Variants in RADIL observed in about 807,000 individuals in gnomAD.
RADIL encodes the protein Rap associating with DIL domain.
In RADIL, 99 loss-of-function variants were observed where a neutral mutation model predicts 97.6. That is an observed-to-expected ratio of 1.01 (90% CI 0.86 to 1.20). The LOEUF (loss-of-function observed/expected upper bound fraction) is 1.20. Ranked by LOEUF, RADIL falls within the 50% of genes most tolerant of loss-of-function variation. RADIL has a pLI of 0.00. For missense variants in RADIL, 1,765 were observed against 1,498.9 expected, an observed-to-expected ratio of 1.18 and a Z score of -2.93; for synonymous variants, 803 against 691.8, an observed-to-expected ratio of 1.16 and a Z score of -2.52.
chr7:4,800,705 C>G (rs1751357331), intron 12 of RADIL, among the ~76,000 whole-genome samples: 1 of 152,206 alleles, frequency 6.6e-6, no homozygotes, highest in Non-Finnish European at 1.5e-5. Flanking sequence ...GCTGACCAGA[C>G]CGGGGCCCCA....
chr7:4,810,053 G>C (rs964003804), intron 9 of RADIL, among the ~76,000 whole-genome samples: 13 of 152,234 alleles, frequency 8.5e-5, no homozygotes, highest in African/African-American at 3.1e-4. Flanking sequence ...TGAGGTTTCA[G>C]TGGTGGCCAG....
chr7:4,864,955 T>TC (rs1175427187), intron 2 of RADIL, among the ~76,000 whole-genome samples: 1 of 152,210 alleles, frequency 6.6e-6, no homozygotes, highest in Non-Finnish European at 1.5e-5. Flanking sequence ...CAGGTAGATC[T>TC]TTTCCCCAAC....
Position 4,854,586 on chromosome 7 carries a change from C to T in RADIL, c.536-17981G>A, listed in dbSNP as rs897315524. Among the ~76,000 whole-genome samples the T allele has an allele frequency of 4.6e-5, 7 of 152,006 alleles. 1 individual carries two copies. The highest frequency in any genetic ancestry group is 4.2e-4 in the South Asian group (2 of 4,818). ...GCGGGCGCCTGTAATCCCAGCTACT[C>T]GGAAGACTGAGACAGGAGAATTACT... On this transcript the variant is annotated intron_variant, in intron 2 of 14. Coordinates refer to ENST00000399583, the MANE Select transcript of RADIL (RefSeq NM_018059.5). The surrounding 1 kb of genome is among the most constrained non-coding windows in gnomAD (Gnocchi z 5.1).
rs931315916 is a variant in RADIL at position 4,830,350 on chromosome 7, C to T, written c.1454+1791G>A. ...CCCACTCGAGAGTGGGAGCGTAGGCCGCAGGGGCTGCACGTCTGTATCAGA... is the reference window on the plus strand; with the variant it reads ...CCCACTCGAGAGTGGGAGCGTAGGCTGCAGGGGCTGCACGTCTGTATCAGA... On this transcript the variant is annotated intron_variant, in intron 5 of 14. Coordinates refer to ENST00000399583, the MANE Select transcript of RADIL (RefSeq NM_018059.5). Among the ~76,000 whole-genome samples the T allele has an allele frequency of 2.6e-5, 4 of 152,242 alleles. No individual in the cohort carries two copies. The East Asian group carries it at 5.8e-4, about 22-fold the overall frequency.
intron 5 of RADIL, among the ~76,000 whole-genome samples, chr7:4,830,439 A>C (rs2115217009): frequency 1.3e-5 from 2 of 152,286 alleles, no homozygotes; most frequent in South Asian, 4.1e-4. Flanking sequence ...TTTCTGCGCA[A>C]ACAGCCGTTG....
intron 2 of RADIL, chr7:4,861,898 G>A (rs1784018140): frequency 1.1e-6 from 1 of 948,342 alleles, no homozygotes; most frequent in Non-Finnish European, 1.5e-6. Flanking sequence ...GAGGCGGAAG[G>A]GCAGGGCTTC....
chr7:4,828,467 A>G (rs1446741783), intron 5 of RADIL, among the ~76,000 whole-genome samples: 2 of 152,362 alleles, frequency 1.3e-5, no homozygotes, highest in East Asian at 3.9e-4. Flanking sequence ...CAAAAAAAAG[A>G]AAACCTAGGA....
In RADIL at chr7:4,880,672, G is replaced by C. The variant is rs1784465095; in HGVS notation, c.-64-2469C>G. On this transcript the variant is annotated intron_variant, in intron 1 of 14. Coordinates refer to ENST00000399583, the MANE Select transcript of RADIL (RefSeq NM_018059.5). The surrounding 1 kb of genome is among the most constrained non-coding windows in gnomAD (Gnocchi z 4.5). ...TCCAACGGGTTCCCCAGGGTGCAAA[G>C]GCAAAGTGCAGGTGGTGGATGGTAC... Among the ~76,000 whole-genome samples, 1 of 152,234 alleles carries C rather than the reference G, an allele frequency of 6.6e-6. No individual in the cohort carries two copies. Among genetic ancestry groups the C allele is most frequent in the African/African-American group, 2.4e-5 (1 of 41,452 alleles).
Position 4,804,773 on chromosome 7 carries a change from G to A in RADIL, c.2290+793C>T, listed in dbSNP as rs184043014. Among the ~76,000 whole-genome samples the A allele has an allele frequency of 2.1e-3, 313 of 147,186 alleles. 6 individuals carry two copies. The highest frequency in any genetic ancestry group is 7.5e-3 in the African/African-American group (298 of 39,478). ...CTGCACTCCAGCCTGGTGACAGAGT[G>A]AGACTCTGTCTCAGTCAATCAATCA... On this transcript the variant is annotated intron_variant, in intron 10 of 14. Transcript: ENST00000399583.
In RADIL at chr7:4,819,462, G is replaced by C. The variant is rs925728594; in HGVS notation, c.1616-2111C>G. ...TTCCGACGCCCACGAGCCATTAAGA[G>C]GACACACCAGCCGGCTGCCCCTGCC... is the stretch of plus-strand genomic sequence containing the variant. On this transcript the variant is annotated intron_variant, in intron 6 of 14. Transcript: ENST00000399583. The surrounding 1 kb of genome is among the most constrained non-coding windows in gnomAD (Gnocchi z 5.8). 7.2e-5 allele frequency among the ~76,000 whole-genome samples: 11 copies of C among 152,186 alleles called. No individual in the cohort carries two copies. Among genetic ancestry groups the C allele is most frequent in the African/African-American group, 1.9e-4 (8 of 41,512 alleles).
chr7:4,820,887 C>G (rs943044942), intron 6 of RADIL, among the ~76,000 whole-genome samples: 1 of 152,226 alleles, frequency 6.6e-6, no homozygotes, highest in Non-Finnish European at 1.5e-5. Context: ...CCTCTCACCA[C>G]GGAGAGCCCC....
intron 2 of RADIL, among the ~76,000 whole-genome samples, chr7:4,852,336 C>T (rs545970532): frequency 1.3e-5 from 2 of 152,278 alleles, no homozygotes; most frequent in South Asian, 4.2e-4. Context: ...GAGAGACTAC[C>T]CCAGGCCTTG....
In RADIL at chr7:4,821,304, G is replaced by C. The variant is rs1369282831; in HGVS notation, c.1615+1090C>G. 2.0e-5 allele frequency among the ~76,000 whole-genome samples: 3 copies of C among 152,290 alleles called. No individual in the cohort carries two copies. Among genetic ancestry groups the C allele is most frequent in the Admixed American group, 2.0e-4 (3 of 15,302 alleles). ...CAGTGGGTGGACAGCAAGGCCGTTG[G>C]GGGCAGAACCAAGGCTTCCCATGAG... On this transcript the variant is annotated intron_variant, in intron 6 of 14. Coordinates refer to ENST00000399583, the MANE Select transcript of RADIL (RefSeq NM_018059.5). This position sits in a 1 kb window ranked among gnomAD's most constrained non-coding sequence, Gnocchi z 5.2.
In RADIL at chr7:4,815,389, C is replaced by T; in HGVS notation, c.2028G>A (p.Gln676=). Residue 676 remains glutamine, a synonymous_variant, in exon 9 of 15, where the codon CAG becomes CAA. Coordinates refer to ENST00000399583, the MANE Select transcript of RADIL (RefSeq NM_018059.5). The surrounding 1 kb of genome is among the most constrained non-coding windows in gnomAD (Gnocchi z 8.0). ...RGVQACARLQ[Q]LLEWMRSAGF... ...CGGCGCTCCGCATCCACTCCAGGAG[C>T]TGCTGCAGGCGGGCGCAGGCCTGGA... The T allele has an allele frequency of 6.4e-7, 1 of 1,565,122 alleles. No individual in the cohort carries two copies.
chr7:4,822,511 C>A lies in RADIL; in HGVS notation c.1498G>T (p.Val500Phe), dbSNP rs1782861543. The change falls in exon 6 of 15, where the codon GTT (valine) becomes TTT (phenylalanine). Residue 500 changes from valine (V) to phenylalanine (F), a missense_variant. By Grantham distance (50) the Val-to-Phe change is conservative. Transcript: ENST00000399583. The surrounding 1 kb of genome is among the most constrained non-coding windows in gnomAD (Gnocchi z 5.3). ...AAAAGAATGGGCTGCAAGTCTGGAA[C>A]CAGATCAGCCATGGCGCAGCTGGCC... is the stretch of plus-strand genomic sequence containing the variant. ...SLASCAMADL[V>F]PDLQPILFWM... The A allele has an allele frequency of 1.2e-6, 2 of 1,612,956 alleles. No individual in the cohort carries two copies. The highest frequency in any genetic ancestry group is 3.3e-5 in the Admixed American group (2 of 60,000).
In RADIL at chr7:4,816,308, T is replaced by A. The variant is rs1470081334; in HGVS notation, c.1886A>T (p.His629Leu). 2.5e-6 allele frequency: 4 copies of A among 1,612,246 alleles called. No homozygotes were observed. In the African/African-American group the frequency reaches 5.3e-5, roughly 22 times the overall value. The change falls in exon 8 of 15, where the codon CAC becomes CTC. Residue 629 changes from histidine to leucine, a missense_variant. Coordinates refer to ENST00000399583, the MANE Select transcript of RADIL (RefSeq NM_018059.5). ...GAGCATCTGCGAGGCCACCTCGGGG[T>A]GCACCTGCAGCTGCCGCAGGAGGTC... ...ALDLLRQLQV[H>L]PEVASQMLAY... is the part of the protein sequence containing the mutation.
chr7:4,871,668 A>G (rs1308613398), intron 2 of RADIL, among the ~76,000 whole-genome samples: 1 of 151,996 alleles, frequency 6.6e-6, no homozygotes, highest in Non-Finnish European at 1.5e-5. Flanking sequence ...CACCATCCCC[A>G]CACCACCCTC....
intron 2 of RADIL, chr7:4,861,731 A>T: frequency 6.6e-7 from 1 of 1,523,750 alleles, no homozygotes; most frequent in South Asian, 1.3e-5. Flanking sequence ...CGCTAGACTG[A>T]TAGGCGAGGA....
chr7:4,808,021 C>A (rs1782395379), intron 9 of RADIL, among the ~76,000 whole-genome samples: 1 of 102,770 alleles, frequency 9.7e-6, no homozygotes, highest in Non-Finnish European at 2.0e-5. Context: ...CTCTCCTCTC[C>A]CTCCATCTTT....
Sources: allele counts gnomAD v4.1 joint callset (sites outside exome capture counted in the v4.1 genomes callset), GRCh38; gene constraint gnomAD v4.1.1; non-coding constraint Gnocchi (gnomAD v3.1); transcripts MANE v1.5; gene names NCBI Gene and HGNC (gene_info 2026-07-23, HGNC 2026-07-21).